The following KPNB1 variants were observed in gnomAD, a reference collection of about 807,000 sequenced individuals.
The protein encoded by KPNB1 is karyopherin subunit beta 1.
Under a neutral mutation model 113.0 loss-of-function variants are expected in KPNB1, and 7 were observed. That is an observed-to-expected ratio of 0.06 (90% confidence interval 0.04 to 0.12). The LOEUF is 0.12. Ranked by LOEUF, KPNB1 falls within the 10% of genes least tolerant of loss-of-function variation. The probability of loss-of-function intolerance (pLI) is 1.00; values close to 1 mark genes in which losing one functional copy is unlikely to be tolerated. For synonymous variants in KPNB1, 363 were observed against 378.6 expected, an observed-to-expected ratio of 0.96 and a Z score of 0.48; for missense variants, 400 against 1,054.8, an observed-to-expected ratio of 0.38 and a Z score of 8.60.
chr17:47,666,057 TTTTTC>T (rs1488866049), intron 9 of KPNB1, among the ~76,000 whole-genome samples: 1 of 152,128 alleles, frequency 6.6e-6, no homozygotes, highest in African/African-American at 2.4e-5. Flanking sequence ...TTGTTTTTGT[TTTTTC>T]TTTTGTTTTG....
chr17:47,665,255 C>A, intron 9 of KPNB1, 97 bp downstream of exon 9: 2 of 880,160 alleles, frequency 2.3e-6, no homozygotes, highest in Non-Finnish European at 3.7e-6. Context: ...AGCCCATCAA[C>A]TATTTGATGT....
In KPNB1 at chr17:47,683,580, T is replaced by G. The variant is rs2030861096; in HGVS notation, c.*1176T>G. 1 of 124,100 alleles carries G rather than the reference T, an allele frequency of 8.1e-6. No individual in the cohort carries two copies. The highest frequency in any genetic ancestry group is 2.9e-5 in the African/African-American group (1 of 34,030). 7.7% of individuals were successfully genotyped at this position (124,100 alleles called of 1,614,324 possible). On this transcript the variant is annotated 3_prime_UTR_variant, in exon 22 of 22. Transcript: ENST00000290158. ...GCAAACTTCAGGTAACTATTTTGGA[T>G]TGCAAACAGGATAAATTAAATGTTC...
chr17:47,684,505 T>A lies in KPNB1; in HGVS notation c.*2101T>A, dbSNP rs1208937811. ...AGAGACAGAATGATGTACTAACCATTCGTGATTATTAAGATAGGGTTGGGT... is the reference window on the plus strand; with the variant it reads ...AGAGACAGAATGATGTACTAACCATACGTGATTATTAAGATAGGGTTGGGT... On this transcript the variant is annotated 3_prime_UTR_variant, in exon 22 of 22. Coordinates refer to ENST00000290158, the MANE Select transcript of KPNB1 (RefSeq NM_002265.6). 6.6e-6 allele frequency: 1 copy of A among 152,218 alleles called. No homozygotes were observed. Among genetic ancestry groups the A allele is most frequent in the Admixed American group, 6.5e-5 (1 of 15,270 alleles). The allele number at this position is 152,218 out of a possible 1,614,324, so 9.4% of individuals were successfully genotyped here. A position where few individuals can be genotyped will look rare whatever the true frequency, so the allele number is the denominator to read the frequency against.
rs140411598 is a variant in KPNB1, at chr17:47,663,765, G to A, written c.787-394G>A. Reference sequence around the variant, plus strand: ...TTTGGGAGGCTGAGACTGACAGATCGCTTGAGTCCAGGAGTTTGAGACCAG... The same window carrying A: ...TTTGGGAGGCTGAGACTGACAGATCACTTGAGTCCAGGAGTTTGAGACCAG... On this transcript the variant is annotated intron_variant, in intron 7 of 21. Transcript: ENST00000290158. 3.3e-3 allele frequency among the ~76,000 whole-genome samples: 506 copies of A among 151,960 alleles called. 2 individuals are homozygous for A. Among genetic ancestry groups the A allele is most frequent in the African/African-American group, 0.011 (474 of 41,442 alleles).
intron 15 of KPNB1, among the ~76,000 whole-genome samples, chr17:47,675,361 G>GT (rs1166648701): frequency 0.014 from 1,219 of 88,596 alleles, 130 homozygotes; most frequent in Middle Eastern, 0.077. Flanking sequence ...CAGAGGTGTT[G>GT]TTTTTTTTTT....
rs568185881 is a variant in KPNB1, at chr17:47,655,947, T to G, written c.283-913T>G. 1.6e-4 allele frequency among the ~76,000 whole-genome samples: 25 copies of G among 152,232 alleles called. 2 individuals are homozygous for G. The South Asian group carries it at 5.0e-3, about 30-fold the overall frequency. ...TTTTTCTGACAGCCTTTCCTACTTC[T>G]CCGTATTATAGATAAGAATTCTGAG... On this transcript the variant is annotated intron_variant, in intron 3 of 21. Coordinates refer to ENST00000290158, the MANE Select transcript of KPNB1 (RefSeq NM_002265.6).
intron 20 of KPNB1, 106 bp downstream of exon 20, chr17:47,680,240 T>C (rs1177240608): frequency 1.2e-6 from 1 of 849,044 alleles, no homozygotes; most frequent in East Asian, 2.4e-5. Context: ...CAGTTCACTT[T>C]TTTGGCACAG....
At chr17:47,651,023 T>C (rs748941841) in intron 2 of KPNB1, among the ~76,000 whole-genome samples, 2 of 146,972 alleles carry the variant, frequency 1.4e-5, no homozygotes, top group Non-Finnish European at 2.9e-5. Flanking sequence ...TATTCCTCTC[T>C]TGGGGTTTTT....
At chr17:47,661,635 C>T (rs913672703) in intron 6 of KPNB1, among the ~76,000 whole-genome samples, 11 of 151,934 alleles carry the variant, frequency 7.2e-5, no homozygotes, top group African/African-American at 2.4e-4. Context: ...GAAGAATTGT[C>T]ATGGAAGTTG....
At chr17:47,664,629 G>GA (rs2030210669) in intron 8 of KPNB1, among the ~76,000 whole-genome samples, 1 of 152,194 alleles carries the variant, frequency 6.6e-6, no homozygotes, top group Non-Finnish European at 1.5e-5. Context: ...TAACTCTGGT[G>GA]AAAGAGTCAG....
intron 14 of KPNB1, 143 bp from the exon 15 acceptor site, chr17:47,674,495 A>T (rs989886194): frequency 1.4e-6 from 1 of 737,556 alleles, no homozygotes; most frequent in African/African-American, 1.8e-5. Flanking sequence ...TGGTACTGTC[A>T]ATGTTTTTGT....
intron 6 of KPNB1, among the ~76,000 whole-genome samples, chr17:47,662,604 G>A (rs1015277441): frequency 3.3e-5 from 5 of 151,494 alleles, no homozygotes; most frequent in Non-Finnish European, 5.9e-5. Flanking sequence ...AAAAATGGCC[G>A]GGCGCAGTGG....
chr17:47,660,224 C>T (rs1471265104), intron 5 of KPNB1, among the ~76,000 whole-genome samples: 2 of 152,088 alleles, frequency 1.3e-5, no homozygotes, highest in Non-Finnish European at 1.5e-5. Context: ...TGTCTTTTTG[C>T]GACTGGTTTG....
chr17:47,666,552 A>G lies in KPNB1; in HGVS notation c.999+1394A>G, dbSNP rs977504986. Among the ~76,000 whole-genome samples, 65 of 44,694 alleles carry G rather than the reference A, an allele frequency of 1.5e-3. No individual in the cohort carries two copies. The South Asian group carries it at 0.017, about 12-fold the overall frequency. The allele number at this position is 44,694 out of a possible 152,430, so 29.3% of individuals were successfully genotyped here. On this transcript the variant is annotated intron_variant, in intron 9 of 21. Transcript: ENST00000290158. ...TTATGTTATATATTATATATTATATATTATGTTATATGTTATATATTTTAT... is the reference window on the plus strand; with the variant it reads ...TTATGTTATATATTATATATTATATGTTATGTTATATGTTATATATTTTAT...
chr17:47,663,650 C>T (rs9905583), intron 7 of KPNB1, among the ~76,000 whole-genome samples: 72,258 of 151,674 alleles, frequency 0.48, 17,535 homozygotes, highest in African/African-American at 0.54. Flanking sequence ...GGCCAGAAAG[C>T]GAGACTCTGT....
intron 3 of KPNB1, among the ~76,000 whole-genome samples, chr17:47,653,646 T>G (rs1342952772): frequency 2.6e-5 from 4 of 152,230 alleles, no homozygotes; most frequent in Non-Finnish European, 4.4e-5. Context: ...TCCTTGGTAT[T>G]TGAGTGGAAA....
intron 15 of KPNB1, among the ~76,000 whole-genome samples, chr17:47,675,867 C>G (rs556602660): frequency 1.3e-5 from 2 of 152,238 alleles, no homozygotes; most frequent in Non-Finnish European, 2.9e-5. Flanking sequence ...GCATAAACAG[C>G]CTATGTCCAA....
chr17:47,677,075 A>G lies in KPNB1; in HGVS notation c.2051A>G (p.Asn684Ser), dbSNP rs577163406. ...VGDLCRALQS[N>S]IIPFCDEVMQ... ...GACTTGTGCCGTGCCCTGCAATCCA[A>G]CATCATACCTTTCTGTGACGAGGTG... Residue 684 changes from asparagine to serine, a missense_variant, in exon 17 of 22, where the codon AAC (asparagine) becomes AGC (serine). By Grantham distance (46) the Asn-to-Ser change is conservative (BLOSUM62 1). Coordinates refer to ENST00000290158, the MANE Select transcript of KPNB1 (RefSeq NM_002265.6). 1.9e-6 allele frequency: 3 copies of G among 1,614,054 alleles called. No homozygotes were observed. Among genetic ancestry groups the G allele is most frequent in the Non-Finnish European group, 2.5e-6 (3 of 1,179,990 alleles).
chr17:47,669,182 C>T (rs1463777375), intron 10 of KPNB1, among the ~76,000 whole-genome samples: 1 of 151,962 alleles, frequency 6.6e-6, no homozygotes, highest in Non-Finnish European at 1.5e-5. Context: ...AATCTAGGCT[C>T]ACTGCAACCT....
Sources: gnomAD v4.1 joint callset for allele counts (sites outside exome capture counted in the v4.1 genomes callset) on GRCh38, gnomAD v4.1.1 for gene constraint, MANE v1.5 for transcripts, NCBI Gene and HGNC (gene_info 2026-07-23, HGNC 2026-07-21) for gene names.